Variants in TP63 observed in about 807,000 individuals in gnomAD.
The protein encoded by TP63 is tumor protein 63.
A neutral mutation model predicts 82.8 loss-of-function variants in TP63; 17 were observed. The ratio of observed to expected loss-of-function variants is 0.21; its 90% CI spans 0.14 to 0.31. The LOEUF is 0.31. Ranked by LOEUF, TP63 falls within the 10% of genes least tolerant of loss-of-function variation. The pLI, the probability that TP63 is intolerant of heterozygous loss-of-function variation, is 1.00. For missense variants in TP63, 648 were observed against 895.3 expected (o/e 0.72, Z 3.52); for synonymous variants, 330 against 321.7 (o/e 1.03, Z -0.28).
intron 3 of TP63, among the ~76,000 whole-genome samples, chr3:189,757,798 C>T (rs766504653): frequency 1.3e-5 from 2 of 152,144 alleles, no homozygotes; most frequent in African/African-American, 2.4e-5. Flanking sequence ...AGTTGTTACA[C>T]TATTTCACTC....
chr3:189,779,431 T>C (rs530572188), intron 3 of TP63, among the ~76,000 whole-genome samples: 2 of 152,254 alleles, frequency 1.3e-5, no homozygotes, highest in South Asian at 4.1e-4. Context: ...AGTTAGTTCA[T>C]TGTGTCTGTA....
intron 3 of TP63, among the ~76,000 whole-genome samples, chr3:189,781,038 C>T (rs1445845898): frequency 2.0e-5 from 3 of 152,060 alleles, no homozygotes; most frequent in South Asian, 2.1e-4. Flanking sequence ...AATCCGAGAA[C>T]GTCAGGCCCA....
chr3:189,873,165 G>A, intron 10 of TP63, 170 bp downstream of exon 10: 1 of 901,406 alleles, frequency 1.1e-6, no homozygotes, highest in Non-Finnish European at 1.8e-6. Context: ...TTTTTTACGT[G>A]TCTTATTATA....
At chr3:189,890,213 T>G (rs1271373075) in intron 12 of TP63, among the ~76,000 whole-genome samples, 10 of 152,310 alleles carry the variant, frequency 6.6e-5, no homozygotes, top group African/African-American at 2.4e-4. Flanking sequence ...GCAAAGTGCG[T>G]GGCCTTTTCC....
chr3:189,664,324 T>C (rs184081089), intron 1 of TP63, among the ~76,000 whole-genome samples: 10 of 152,308 alleles, frequency 6.6e-5, no homozygotes, highest in African/African-American at 2.2e-4. Context: ...ATTTTAAATA[T>C]GAAGGGCAGT....
At chr3:189,761,033 C>T (rs1722528284) in intron 3 of TP63, among the ~76,000 whole-genome samples, 1 of 152,168 alleles carries the variant, frequency 6.6e-6, no homozygotes, top group Non-Finnish European at 1.5e-5. Context: ...AGGCTGCACA[C>T]AGCACAGATA....
intron 3 of TP63, among the ~76,000 whole-genome samples, chr3:189,756,571 A>C (rs1359533460): frequency 6.6e-6 from 1 of 152,208 alleles, no homozygotes; most frequent in Non-Finnish European, 1.5e-5. Context: ...CACAAATATC[A>C]CTTGACAGGT....
At chr3:189,761,557 G>C (rs904779479) in intron 3 of TP63, among the ~76,000 whole-genome samples, 2 of 146,424 alleles carry the variant, frequency 1.4e-5, no homozygotes, top group African/African-American at 4.9e-5. Context: ...TTTTGTCAAA[G>C]CCATTCAACA....
At chr3:189,885,141 G>A (rs113370698) in intron 10 of TP63, among the ~76,000 whole-genome samples, 44 of 152,220 alleles carry the variant, frequency 2.9e-4, no homozygotes, top group African/African-American at 7.9e-4. Context: ...AACATAATTC[G>A]CTTTGTTTGA....
chr3:189,719,968 A>ATATT (rs1719257932), intron 1 of TP63, among the ~76,000 whole-genome samples: 1 of 152,148 alleles, frequency 6.6e-6, no homozygotes, highest in Non-Finnish European at 1.5e-5. Flanking sequence ...TTCTAAAAGG[A>ATATT]TATTAAAGAA....
intron 4 of TP63, among the ~76,000 whole-genome samples, chr3:189,815,878 A>G (rs1430571257): frequency 6.6e-6 from 1 of 152,224 alleles, no homozygotes; most frequent in Non-Finnish European, 1.5e-5. Flanking sequence ...GCATTTAACT[A>G]AGCAATACAT....
chr3:189,726,341 T>C (rs1719777287), intron 1 of TP63, among the ~76,000 whole-genome samples: 1 of 152,154 alleles, frequency 6.6e-6, no homozygotes, highest in Admixed American at 6.6e-5. Flanking sequence ...ACAATAATAT[T>C]CATTCTATGA....
intron 1 of TP63, among the ~76,000 whole-genome samples, chr3:189,683,665 T>C (rs866417601): frequency 3.9e-5 from 6 of 152,214 alleles, no homozygotes; most frequent in Admixed American, 6.5e-5. Context: ...AGTTGGACAA[T>C]TGCAGTTCCC....
intron 1 of TP63, among the ~76,000 whole-genome samples, chr3:189,717,174 C>T (rs893474323): frequency 6.6e-6 from 1 of 152,080 alleles, no homozygotes; most frequent in African/African-American, 2.4e-5. Flanking sequence ...ACGAACTAAA[C>T]AAATATGTAC....
intron 1 of TP63, among the ~76,000 whole-genome samples, chr3:189,667,991 A>C (rs180876023): frequency 2.6e-5 from 4 of 152,120 alleles, no homozygotes; most frequent in Admixed American, 6.6e-5. Context: ...TGCTGACCCT[A>C]CCCAAGAGTA....
chr3:189,713,925 A>G (rs1249722646), intron 1 of TP63, among the ~76,000 whole-genome samples: 6 of 152,216 alleles, frequency 3.9e-5, no homozygotes. Flanking sequence ...GATCAAGTGA[A>G]AAATTTTTTG....
At chr3:189,804,552 C>G (rs1327270407) in intron 3 of TP63, among the ~76,000 whole-genome samples, 1 of 152,164 alleles carries the variant, frequency 6.6e-6, no homozygotes, top group Non-Finnish European at 1.5e-5. Flanking sequence ...CTATAATGGC[C>G]AGCCCTTGGC....
Position 189,734,817 on chromosome 3 carries a change from C to T in TP63, c.63-2923C>T, listed in dbSNP as rs561771980. On this transcript the variant is annotated intron_variant, in intron 1 of 13. Transcript: ENST00000264731. ...TTCAAGACAGTCCTCTCTACCTATG[C>T]CTTGACCTTTTCCAACCTGCCTATT... Among the ~76,000 whole-genome samples the T allele has an allele frequency of 1.2e-4, 18 of 152,276 alleles. No homozygotes were observed. The East Asian group carries it at 1.4e-3, about 11-fold the overall frequency.
chr3:189,597,107 C>A, the TP63 span, among the ~76,000 whole-genome samples: 1 of 152,186 alleles, frequency 6.6e-6, no homozygotes, highest in Non-Finnish European at 1.5e-5. Context: ...CCGCCAGGGT[C>A]CGCGGCTTCA....
Sources: allele counts gnomAD v4.1 joint callset (sites outside exome capture counted in the v4.1 genomes callset), GRCh38; gene constraint gnomAD v4.1.1; transcripts MANE v1.5; gene names NCBI Gene and HGNC (gene_info 2026-07-23, HGNC 2026-07-21).